ZMYND11: variants seen among roughly 807,000 people sequenced by gnomAD.
The protein encoded by ZMYND11 is zinc finger MYND-type containing 11.
A neutral mutation model predicts 84.9 loss-of-function variants in ZMYND11; 9 were observed. The ratio of observed to expected loss-of-function variants is 0.11; its 90% CI spans 0.06 to 0.18. ZMYND11 has a LOEUF of 0.18. Among genes scored for constraint, ZMYND11 ranks in the 10% least tolerant of loss-of-function variants. The probability of loss-of-function intolerance (pLI) is 1.00; values close to 1 mark genes in which losing one functional copy is unlikely to be tolerated. For missense variants in ZMYND11, 409 were observed against 761.0 expected, an observed-to-expected ratio of 0.54 and a Z score of 5.44; for synonymous variants, 250 against 244.1, an observed-to-expected ratio of 1.02 and a Z score of -0.23.
chr10:153,454 A>G (rs1746389000), intron 1 of ZMYND11, among the ~76,000 whole-genome samples: 2 of 152,252 alleles, frequency 1.3e-5, no homozygotes, highest in Admixed American at 6.5e-5. Context: ...CTGATCTACC[A>G]TGCTGGTAAT....
chr10:246,755 GT>G lies in ZMYND11; in HGVS notation c.951-6del, dbSNP rs1285061886. The G allele has an allele frequency of 9.3e-6, 15 of 1,613,648 alleles. No individual in the cohort carries two copies. The highest frequency in any genetic ancestry group is 1.3e-5 in the African/African-American group (1 of 74,986). On this transcript the variant is annotated splice_polypyrimidine_tract_variant and intron_variant, in intron 10 of 14. Transcript: ENST00000381604. ...GATGTTTCTAACTATACCTTTATGT[GT>G]TTTTCCTAGGGCCTGGATTCCTTCT...
intron 2 of ZMYND11, among the ~76,000 whole-genome samples, chr10:207,535 C>T (rs1227875783): frequency 6.6e-6 from 1 of 152,180 alleles, no homozygotes; most frequent in East Asian, 1.9e-4. Flanking sequence ...GCCATTCTAA[C>T]TGGTGTGAGA....
At chr10:242,191 A>AAGAAAGTTTG (rs1589230272) in intron 10 of ZMYND11, 52 bp downstream of exon 10, 1 of 1,587,230 alleles carries the variant, frequency 6.3e-7, no homozygotes, top group East Asian at 2.2e-5. Context: ...TGAAGTCCTT[A>AAGAAAGTTTG]AGAAAGTTTG....
intron 1 of ZMYND11, among the ~76,000 whole-genome samples, chr10:176,488 A>G (rs1846652158): frequency 6.6e-6 from 1 of 152,172 alleles, no homozygotes; most frequent in Non-Finnish European, 1.5e-5. Context: ...TTTACATAAC[A>G]GCTGAAAAAA....
chr10:142,469 G>C (rs1324727145), intron 1 of ZMYND11, among the ~76,000 whole-genome samples: 12 of 152,062 alleles, frequency 7.9e-5, no homozygotes, highest in African/African-American at 2.9e-4. Context: ...TCACAGAGGC[G>C]TCATGAGGGA....
chr10:153,367 C>T (rs1840887231), intron 1 of ZMYND11, among the ~76,000 whole-genome samples: 1 of 152,010 alleles, frequency 6.6e-6, no homozygotes, highest in Non-Finnish European at 1.5e-5. Flanking sequence ...TTTTTAAGTT[C>T]CTAGTAGACA....
chr10:136,139 C>T (rs1835975100), intron 1 of ZMYND11, among the ~76,000 whole-genome samples: 1 of 152,118 alleles, frequency 6.6e-6, no homozygotes, highest in South Asian at 2.1e-4. Context: ...GCCGCCGCCT[C>T]AACAGGTCCT....
intron 3 of ZMYND11, among the ~76,000 whole-genome samples, chr10:213,509 T>C (rs1945632174): frequency 2.0e-5 from 3 of 152,184 alleles, no homozygotes; most frequent in African/African-American, 7.2e-5. Context: ...GCATAGGATG[T>C]TTTTGGTTAT....
intron 1 of ZMYND11, among the ~76,000 whole-genome samples, chr10:144,741 TAA>T (rs1282037299): frequency 2.7e-5 from 4 of 145,544 alleles, no homozygotes; most frequent in Non-Finnish European, 4.5e-5. Context: ...AATATATATA[TAA>T]TATATATATG....
At chr10:247,810 A>AT (rs1589284606) in intron 12 of ZMYND11, among the ~76,000 whole-genome samples, 1 of 152,240 alleles carries the variant, frequency 6.6e-6, no homozygotes, top group Admixed American at 6.5e-5. Context: ...TTTATCCAGT[A>AT]TATCAGTTGT....
chr10:186,257 C>T (rs560348018), intron 2 of ZMYND11, among the ~76,000 whole-genome samples: 325 of 151,828 alleles, frequency 2.1e-3, no homozygotes, highest in African/African-American at 7.2e-3. Context: ...CTGATCTGCC[C>T]GCCTCGGCCT....
chr10:178,423 G>A (rs377464889), intron 1 of ZMYND11, among the ~76,000 whole-genome samples: 1 of 152,138 alleles, frequency 6.6e-6, no homozygotes, highest in Admixed American at 6.5e-5. Context: ...TTCACCATTA[G>A]ATGTCACTTT....
intron 2 of ZMYND11, among the ~76,000 whole-genome samples, chr10:199,871 TTTC>T (rs1942715092): frequency 7.1e-6 from 1 of 140,180 alleles, no homozygotes; most frequent in African/African-American, 2.5e-5. Context: ...AAAACATTTT[TTTC>T]TTTTTTTTGA....
chr10:156,290 A>G (rs1003333802), intron 1 of ZMYND11, among the ~76,000 whole-genome samples: 10 of 152,218 alleles, frequency 6.6e-5, no homozygotes, highest in Admixed American at 2.6e-4. Flanking sequence ...ATTGTTGCAT[A>G]TGATGACCCT....
chr10:170,369 C>T (rs1453900201), intron 1 of ZMYND11, among the ~76,000 whole-genome samples: 1 of 151,734 alleles, frequency 6.6e-6, no homozygotes, highest in African/African-American at 2.4e-5. Flanking sequence ...AAAATTTTTT[C>T]TTCCTACTAA....
At chr10:133,250 T>C (rs1460046033), upstream of ZMYND11, among the ~76,000 whole-genome samples, 2 of 152,250 alleles carry the variant, frequency 1.3e-5, no homozygotes, top group Non-Finnish European at 1.5e-5. Context: ...TGTTTGAATG[T>C]GTCATTACTA....
chr10:179,203 C>T (rs1453093835), intron 1 of ZMYND11, among the ~76,000 whole-genome samples: 1 of 152,120 alleles, frequency 6.6e-6, no homozygotes, highest in Non-Finnish European at 1.5e-5. Context: ...TAAGAGAATC[C>T]TCTCTGTGAT....
intron 1 of ZMYND11, among the ~76,000 whole-genome samples, chr10:165,908 T>C (rs1843897858): frequency 6.6e-6 from 1 of 152,096 alleles, no homozygotes; most frequent in Non-Finnish European, 1.5e-5. Context: ...ATAATATAGA[T>C]TTATAGTCTA....
At chr10:212,202 A>T (rs543934562) in intron 3 of ZMYND11, among the ~76,000 whole-genome samples, 1 of 152,108 alleles carries the variant, frequency 6.6e-6, no homozygotes, top group African/African-American at 2.4e-5. Flanking sequence ...GTTTAATTCA[A>T]TAAGTCGTTA....
Sources: gnomAD v4.1 joint callset for allele counts (sites outside exome capture counted in the v4.1 genomes callset) on GRCh38, gnomAD v4.1.1 for gene constraint, MANE v1.5 for transcripts, NCBI Gene and HGNC (gene_info 2026-07-23, HGNC 2026-07-21) for gene names.